MUSK: variants seen among roughly 807,000 people sequenced by gnomAD.
MUSK encodes muscle associated receptor tyrosine kinase.
Under a neutral mutation model 88.7 loss-of-function variants are expected in MUSK, and 55 were observed. The ratio of observed to expected loss-of-function variants is 0.62; its 90% CI spans 0.50 to 0.78. The LOEUF (loss-of-function observed/expected upper bound fraction) is 0.78, where lower values mean the gene tolerates loss of function less well. MUSK is among the 30% of genes least tolerant of loss of function. The pLI, the probability that MUSK is intolerant of heterozygous loss-of-function variation, is 0.00. For missense variants in MUSK, 1,015 were observed against 1,074.3 expected (o/e 0.94, Z 0.77); for synonymous variants, 387 against 391.9 (o/e 0.99, Z 0.15).
intron 5 of MUSK, among the ~76,000 whole-genome samples, chr9:110,719,686 G>C (rs944769216): frequency 3.3e-5 from 5 of 152,030 alleles, no homozygotes; most frequent in African/African-American, 1.2e-4. Flanking sequence ...AGATCATCAG[G>C]ACAGAAAGTC....
chr9:110,689,335 AATATAAAT>A (rs1199429814), intron 3 of MUSK, among the ~76,000 whole-genome samples: 2 of 117,736 alleles, frequency 1.7e-5, no homozygotes, highest in South Asian at 2.5e-4. Flanking sequence ...TATATATTTA[AATATAAAT>A]ATATAAATAT....
chr9:110,708,557 A>C (rs965439705), intron 5 of MUSK, among the ~76,000 whole-genome samples: 2 of 152,202 alleles, frequency 1.3e-5, no homozygotes, highest in Non-Finnish European at 2.9e-5. Context: ...TCATTGGGAA[A>C]ATTAAATCTG....
At chr9:110,723,691 A>C (rs1346565269) in intron 5 of MUSK, among the ~76,000 whole-genome samples, 1 of 151,984 alleles carries the variant, frequency 6.6e-6, no homozygotes, top group African/African-American at 2.4e-5. Context: ...ACAGGCAAAA[A>C]ATTTTGATTC....
rs937720233 is a variant in MUSK, at chr9:110,805,915, A to G, written c.*4927A>G. 6.6e-6 allele frequency among the ~76,000 whole-genome samples: 1 copy of G among 152,006 alleles called. No individual in the cohort carries two copies. The highest frequency in any genetic ancestry group is 2.1e-4 in the South Asian group (1 of 4,834). ...TATTGGCATTAGCATTTGTATTAGC[A>G]TTGTATTAGGAAAAACTCAGGAGTT... On this transcript the variant is annotated 3_prime_UTR_variant, in exon 15 of 15. Transcript: ENST00000374448.
chr9:110,772,804 C>T (rs192765257), intron 9 of MUSK, among the ~76,000 whole-genome samples: 1 of 152,058 alleles, frequency 6.6e-6, no homozygotes, highest in Non-Finnish European at 1.5e-5. Flanking sequence ...CTGCTGATAA[C>T]TGGTAAGTTT....
At chr9:110,738,066 T>C (rs1451287662) in intron 6 of MUSK, among the ~76,000 whole-genome samples, 1 of 152,158 alleles carries the variant, frequency 6.6e-6, no homozygotes, top group East Asian at 1.9e-4. Flanking sequence ...AAATTTTCCA[T>C]GACTTTGTAG....
chr9:110,762,192 C>A lies in MUSK; in HGVS notation c.914-10C>A, dbSNP rs755249247. 2.8e-6 allele frequency: 4 copies of A among 1,442,764 alleles called. No homozygotes were observed. In the Admixed American group the frequency reaches 8.9e-5, roughly 32 times the overall value. The allele number at this position is 1,442,764 out of a possible 1,614,324, so 89.4% of individuals were successfully genotyped here. On this transcript the variant is annotated splice_polypyrimidine_tract_variant and intron_variant, in intron 7 of 14. Transcript: ENST00000374448. ...TGACTTCCTGTGGGAACTTCCTTTCCTGTTAATAGAATGGAGGTAAGAAAC... is the reference window on the plus strand; with the variant it reads ...TGACTTCCTGTGGGAACTTCCTTTCATGTTAATAGAATGGAGGTAAGAAAC...
intron 7 of MUSK, among the ~76,000 whole-genome samples, chr9:110,752,926 C>T (rs929078133): frequency 6.6e-6 from 1 of 152,138 alleles, no homozygotes; most frequent in African/African-American, 2.4e-5. Context: ...TCCCTATGAA[C>T]CAGGAAGTTG....
intron 14 of MUSK, among the ~76,000 whole-genome samples, chr9:110,797,364 AAGGG>A (rs1001856166): frequency 6.6e-6 from 1 of 151,986 alleles, no homozygotes; most frequent in African/African-American, 2.4e-5. Flanking sequence ...TAGGGTGAAA[AAGGG>A]AGGAAGTGAT....
chr9:110,798,188 T>C (rs523299), intron 14 of MUSK, among the ~76,000 whole-genome samples: 123,301 of 152,116 alleles, frequency 0.81, 50,090 homozygotes, highest in African/African-American at 0.84. Flanking sequence ...AAGATGACAA[T>C]AGTGGAAGAA....
intron 6 of MUSK, among the ~76,000 whole-genome samples, chr9:110,734,844 A>T: frequency 6.6e-6 from 1 of 152,118 alleles, no homozygotes; most frequent in East Asian, 1.9e-4. Context: ...CACTTTACCT[A>T]CATACATTTA....
At chr9:110,745,220 G>A (rs780024310) in intron 6 of MUSK, among the ~76,000 whole-genome samples, 4 of 152,172 alleles carry the variant, frequency 2.6e-5, no homozygotes, top group Non-Finnish European at 5.9e-5. Context: ...ACGTCAGGCA[G>A]TTTAAAAATT....
chr9:110,726,356 A>G (rs1446340404), intron 5 of MUSK, among the ~76,000 whole-genome samples: 1 of 152,060 alleles, frequency 6.6e-6, no homozygotes, highest in East Asian at 1.9e-4. Context: ...AAAATGAACA[A>G]TAGTAGCAAC....
intron 6 of MUSK, among the ~76,000 whole-genome samples, chr9:110,734,700 T>C (rs746044961): frequency 7.9e-5 from 12 of 152,250 alleles, no homozygotes; most frequent in Middle Eastern, 3.4e-3. Flanking sequence ...AGTTCCCTGC[T>C]AGAGGCTACT....
In MUSK at chr9:110,787,891, A is replaced by C. The variant is rs748358301; in HGVS notation, c.1927+53A>C. Reference sequence around the variant, plus strand: ...TTTCATCAGAAAACAGAGGCTTTCCAAGTTTTTCTCCCCTTGTTCGTGCTT... The same window carrying C: ...TTTCATCAGAAAACAGAGGCTTTCCCAGTTTTTCTCCCCTTGTTCGTGCTT... On this transcript the variant is annotated intron_variant, in intron 14 of 14. Transcript: ENST00000374448. 2.2e-5 allele frequency: 35 copies of C among 1,557,504 alleles called. No homozygotes were observed. The South Asian group carries it at 3.9e-4, about 17-fold the overall frequency.
chr9:110,739,572 A>G (rs1012754951), intron 6 of MUSK, among the ~76,000 whole-genome samples: 1 of 152,168 alleles, frequency 6.6e-6, no homozygotes, highest in Non-Finnish European at 1.5e-5. Flanking sequence ...TCTCAGATAT[A>G]TAAAGATATT....
At chr9:110,684,813 A>G (rs2076174857) in intron 2 of MUSK, among the ~76,000 whole-genome samples, 1 of 152,090 alleles carries the variant, frequency 6.6e-6, no homozygotes, top group African/African-American at 2.4e-5. Context: ...TGATTTTTGT[A>G]CATTGATTTT....
At chr9:110,681,042 A>ATT (rs2076109698) in intron 1 of MUSK, among the ~76,000 whole-genome samples, 1 of 15,378 alleles carries the variant, frequency 6.5e-5, no homozygotes, top group Admixed American at 6.6e-4. Flanking sequence ...TATATTATAT[A>ATT]ATATATATTA....
intron 7 of MUSK, among the ~76,000 whole-genome samples, chr9:110,752,312 A>G (rs746834118): frequency 6.6e-6 from 1 of 152,210 alleles, no homozygotes; most frequent in Non-Finnish European, 1.5e-5. Context: ...TAGGGAAATG[A>G]GGCTACTTCG....
Sources: gnomAD v4.1 joint callset for allele counts (sites outside exome capture counted in the v4.1 genomes callset) on GRCh38, gnomAD v4.1.1 for gene constraint, MANE v1.5 for transcripts, NCBI Gene and HGNC (gene_info 2026-07-23, HGNC 2026-07-21) for gene names.